FYN: variants seen among roughly 807,000 people sequenced by gnomAD.
The protein encoded by FYN is tyrosine-protein kinase Fyn.
In FYN, 10 loss-of-function variants were observed where a neutral mutation model predicts 70.2. The ratio of observed to expected loss-of-function variants is 0.14; its 90% CI spans 0.09 to 0.24. The LOEUF (loss-of-function observed/expected upper bound fraction) is 0.24. Among genes scored for constraint, FYN ranks in the 10% least tolerant of loss-of-function variants. The pLI, the probability that FYN is intolerant of heterozygous loss-of-function variation, is 1.00. For synonymous variants in FYN, 236 were observed against 248.6 expected (o/e 0.95, Z 0.48); for missense variants, 319 against 673.1 (o/e 0.47, Z 5.82).
intron 1 of FYN, among the ~76,000 whole-genome samples, chr6:111,869,210 A>C (rs1774200591): frequency 6.6e-6 from 1 of 152,226 alleles, no homozygotes; most frequent in Non-Finnish European, 1.5e-5. Context: ...CCTCCGTGGA[A>C]TATGCAAGAC....
At chr6:111,818,938 C>G (rs1241324806) in intron 2 of FYN, among the ~76,000 whole-genome samples, 3 of 152,152 alleles carry the variant, frequency 2.0e-5, no homozygotes, top group Non-Finnish European at 4.4e-5. Flanking sequence ...TATGCTTCAC[C>G]CCATTCAGAC....
At chr6:111,671,428 C>T (rs1205914216) in intron 13 of FYN, among the ~76,000 whole-genome samples, 2 of 152,050 alleles carry the variant, frequency 1.3e-5, no homozygotes, top group Non-Finnish European at 2.9e-5. Flanking sequence ...CCCCTCCTCC[C>T]GCACCTCCAT....
In FYN at chr6:111,687,695, A is replaced by G. The variant is rs188697329; in HGVS notation, c.1273+6680T>C. Among the ~76,000 whole-genome samples the G allele has an allele frequency of 1.6e-3, 244 of 152,260 alleles. 1 individual carries two copies. The highest frequency in any genetic ancestry group is 3.4e-3 in the Middle Eastern group (1 of 294). On this transcript the variant is annotated intron_variant, in intron 12 of 13. Transcript: ENST00000354650. ...TATTGGCATCCATTGGATCAATATT[A>G]TAATAATATTACTATTACTACTACT...
At chr6:111,837,281 T>C (rs1323216409) in intron 2 of FYN, among the ~76,000 whole-genome samples, 1 of 152,204 alleles carries the variant, frequency 6.6e-6, no homozygotes, top group Non-Finnish European at 1.5e-5. Flanking sequence ...AAAATGTTTT[T>C]TCCCTCATCT....
In FYN at chr6:111,694,843, A is replaced by G; in HGVS notation, c.1043-139T>C. 1 of 710,400 alleles carries G rather than the reference A, an allele frequency of 1.4e-6. No homozygotes were observed. The allele number at this position is 710,400 out of a possible 1,614,324, so 44.0% of individuals were successfully genotyped here. A position where few individuals can be genotyped will look rare whatever the true frequency, so the allele number is the denominator to read the frequency against. ...TCCACATGGGGGGACAAAAAGGTTTATATAAAAAAGCAGGGTAGAAAAAAG... is the reference window on the plus strand; with the variant it reads ...TCCACATGGGGGGACAAAAAGGTTTGTATAAAAAAGCAGGGTAGAAAAAAG... On this transcript the variant is annotated intron_variant, in intron 10 of 13. Coordinates refer to ENST00000354650, the MANE Select transcript of FYN (RefSeq NM_002037.5). The surrounding 1 kb of genome is among the most constrained non-coding windows in gnomAD (Gnocchi z 5.0).
chr6:111,821,963 T>TAA (rs199538166), intron 2 of FYN, among the ~76,000 whole-genome samples: 4 of 151,874 alleles, frequency 2.6e-5, no homozygotes, highest in African/African-American at 9.7e-5. Context: ...TGGTGATCAT[T>TAA]AAAAAATCAG....
intron 2 of FYN, among the ~76,000 whole-genome samples, chr6:111,837,558 T>C (rs1021775050): frequency 1.3e-5 from 2 of 152,222 alleles, no homozygotes; most frequent in African/African-American, 4.8e-5. Context: ...AGTCCATCCA[T>C]GGCCAGTACT....
chr6:111,727,306 G>A (rs1424569992), intron 3 of FYN, among the ~76,000 whole-genome samples: 1 of 152,136 alleles, frequency 6.6e-6, no homozygotes, highest in African/African-American at 2.4e-5. Flanking sequence ...TCATGGCAAG[G>A]GTATTCATAA....
At chr6:111,864,347 A>G (rs547699533) in intron 1 of FYN, among the ~76,000 whole-genome samples, 7 of 152,312 alleles carry the variant, frequency 4.6e-5, no homozygotes, top group African/African-American at 1.7e-4. Context: ...CGCTGACTAA[A>G]TCACTTAGCC....
intron 12 of FYN, among the ~76,000 whole-genome samples, chr6:111,679,421 G>A (rs1025887049): frequency 6.6e-6 from 1 of 152,178 alleles, no homozygotes; most frequent in African/African-American, 2.4e-5. Context: ...CTCTGCCCCA[G>A]ATAAATACTG....
At chr6:111,797,787 G>C (rs1425256192) in intron 2 of FYN, among the ~76,000 whole-genome samples, 3 of 149,794 alleles carry the variant, frequency 2.0e-5, no homozygotes, top group Non-Finnish European at 4.4e-5. Flanking sequence ...TTTTGAGATG[G>C]AGTCTCACTC....
chr6:111,839,484 G>A (rs1233437598), intron 2 of FYN, among the ~76,000 whole-genome samples: 1 of 151,956 alleles, frequency 6.6e-6, no homozygotes, highest in Non-Finnish European at 1.5e-5. Context: ...ATGTAATATT[G>A]GTCTGCATCA....
intron 3 of FYN, among the ~76,000 whole-genome samples, chr6:111,750,090 T>TTA (rs1802416539): frequency 6.6e-6 from 1 of 152,222 alleles, no homozygotes; most frequent in Non-Finnish European, 1.5e-5. Flanking sequence ...GCTCCTGCCT[T>TTA]TATGTACTTG....
intron 4 of FYN, among the ~76,000 whole-genome samples, chr6:111,717,654 G>C (rs1350612321): frequency 3.9e-5 from 6 of 152,134 alleles, no homozygotes; most frequent in African/African-American, 1.4e-4. Context: ...AGTAGAGACG[G>C]GGTTTCGCCA....
chr6:111,667,112 T>C (rs1798044517), intron 13 of FYN, among the ~76,000 whole-genome samples: 1 of 152,208 alleles, frequency 6.6e-6, no homozygotes, highest in African/African-American at 2.4e-5. Flanking sequence ...TCTGACTCTG[T>C]AGGGTTGCCA....
At chr6:111,691,844 AG>A (rs1583313977) in intron 12 of FYN, among the ~76,000 whole-genome samples, 1 of 152,244 alleles carries the variant, frequency 6.6e-6, no homozygotes, top group African/African-American at 2.4e-5. Flanking sequence ...TTAGAATGGT[AG>A]ATGCAACAGG....
intron 3 of FYN, among the ~76,000 whole-genome samples, chr6:111,732,497 G>GGGTGAAGGCA (rs1562495721): frequency 6.6e-6 from 1 of 152,144 alleles, no homozygotes; most frequent in African/African-American, 2.4e-5. Context: ...GGGTGAAGGC[G>GGGTGAAGGCA]GGTGAAGGCA....
intron 2 of FYN, among the ~76,000 whole-genome samples, chr6:111,804,018 T>A (rs577558928): frequency 6.6e-6 from 1 of 152,174 alleles, no homozygotes; most frequent in Non-Finnish European, 1.5e-5. Flanking sequence ...CACGTGCTAA[T>A]TGACTGCGGG....
intron 2 of FYN, among the ~76,000 whole-genome samples, chr6:111,815,264 T>G (rs1161859695): frequency 1.3e-5 from 2 of 152,204 alleles, no homozygotes; most frequent in Non-Finnish European, 2.9e-5. Context: ...TGCAGCCTCC[T>G]GCAGCCTGTA....
Sources: allele counts gnomAD v4.1 joint callset (sites outside exome capture counted in the v4.1 genomes callset), GRCh38; gene constraint gnomAD v4.1.1; non-coding constraint Gnocchi (gnomAD v3.1); transcripts MANE v1.5; gene names NCBI Gene and HGNC (gene_info 2026-07-23, HGNC 2026-07-21).